The following MEX3B variants were observed in gnomAD, a reference collection of about 807,000 sequenced individuals.
MEX3B encodes mex-3 RNA binding family member B, also known as RNA-binding protein MEX3B.
A neutral mutation model predicts 12.2 loss-of-function variants in MEX3B; 10 were observed. That is an observed-to-expected ratio of 0.82 (90% CI 0.51 to 1.40). The LOEUF (loss-of-function observed/expected upper bound fraction) is 1.40. MEX3B is among the 40% of genes most tolerant of loss of function. The probability of loss-of-function intolerance (pLI) is 0.00; values close to 1 mark genes in which losing one functional copy is unlikely to be tolerated. For missense variants in MEX3B, 839 were observed against 801.4 expected, an observed-to-expected ratio of 1.05 and a Z score of -0.57; for synonymous variants, 498 against 356.3, an observed-to-expected ratio of 1.40 and a Z score of -4.48.
intron 1 of MEX3B, chr15:82,045,200 G>A (rs1359447126): frequency 1.6e-6 from 1 of 628,976 alleles, no homozygotes; most frequent in South Asian, 1.8e-5. Flanking sequence ...TGGGCTGGTT[G>A]GGGGGCGTTA....
rs1046495567 is a variant in MEX3B at position 82,042,990 on chromosome 15, G to A, written c.*170C>T. ...CTTAAAAATTAAATTTTAAAAATGAGCGGATACTACAGCTTTCCAAGCTCC... is the reference window on the plus strand; with the variant it reads ...CTTAAAAATTAAATTTTAAAAATGAACGGATACTACAGCTTTCCAAGCTCC... On this transcript the variant is annotated 3_prime_UTR_variant, in exon 2 of 2. Coordinates refer to ENST00000329713, the MANE Select transcript of MEX3B (RefSeq NM_032246.6). The A allele has an allele frequency of 1.1e-5, 5 of 475,396 alleles. No individual in the cohort carries two copies. The highest frequency in any genetic ancestry group is 1.7e-5 in the Non-Finnish European group (5 of 289,978). 29.4% of individuals were successfully genotyped at this position (475,396 alleles called of 1,614,324 possible).
chr15:82,045,863 G>A lies in MEX3B; in HGVS notation c.-158C>T, dbSNP rs996726710. On this transcript the variant is annotated 5_prime_UTR_variant, in exon 1 of 2. Transcript: ENST00000329713. ...TCCTCGGTGCTGGGAGGAGTGGGTC[G>A]CTCCGTGCGGTCCGCACCGGGCAGT... 1.6e-4 allele frequency: 127 copies of A among 790,634 alleles called. No homozygotes were observed. The Middle Eastern group carries it at 2.0e-3, about 13-fold the overall frequency. 49.0% of individuals were successfully genotyped at this position (790,634 alleles called of 1,614,324 possible).
Position 82,043,637 on chromosome 15 carries a change from G to T in MEX3B, c.1233C>A (p.Phe411Leu). Reference sequence around the variant, plus strand: ...AGGGCGCACTGGCGCCACCCCCGGGGAAGACCACGGAGGAGGAAGAAGCAG... The same window carrying T: ...AGGGCGCACTGGCGCCACCCCCGGGTAAGACCACGGAGGAGGAAGAAGCAG... ...SSSASSSSVV[F>L]PGGGASAPSN... is the part of the protein sequence containing the mutation. Residue 411 changes from phenylalanine (F) to leucine (L), a missense_variant, in exon 2 of 2, where the codon TTC becomes TTA. Physicochemically the swap from Phe to Leu is conservative, Grantham distance 22 (BLOSUM62 0). Coordinates refer to ENST00000329713, the MANE Select transcript of MEX3B (RefSeq NM_032246.6). 3 of 1,608,142 alleles carry T rather than the reference G, an allele frequency of 1.9e-6. No individual in the cohort carries two copies. Among genetic ancestry groups the T allele is most frequent in the Non-Finnish European group, 2.5e-6 (3 of 1,177,406 alleles).
At position 82,042,414 on chromosome 15, in the gene MEX3B, C is replaced by T. The variant is rs2073225118; in HGVS notation, c.*746G>A. Reference sequence around the variant, plus strand: ...GCCATACTAAAATAAAAAGATTTAACCCAGCTACAAAAAAGTTCACTGAAC... The same window carrying T: ...GCCATACTAAAATAAAAAGATTTAATCCAGCTACAAAAAAGTTCACTGAAC... On this transcript the variant is annotated 3_prime_UTR_variant, in exon 2 of 2. Coordinates refer to ENST00000329713, the MANE Select transcript of MEX3B (RefSeq NM_032246.6). The T allele has an allele frequency of 6.6e-6, 1 of 152,492 alleles. No homozygotes were observed. The highest frequency in any genetic ancestry group is 2.4e-5 in the African/African-American group (1 of 41,422). 9.4% of individuals were successfully genotyped at this position (152,492 alleles called of 1,614,324 possible). A position where few individuals can be genotyped will look rare whatever the true frequency, so the allele number is the denominator to read the frequency against.
chr15:82,043,303 C>G lies in MEX3B; in HGVS notation c.1567G>C (p.Glu523Gln), dbSNP rs1159542765. The change falls in exon 2 of 2, where the codon GAG (glutamate) becomes CAG (glutamine). Residue 523 changes from glutamate (E) to glutamine (Q), a missense_variant. This residue lies in a region of MEX3B where 573 missense variants were observed against 488.9 expected (regional missense o/e 1.17). Transcript: ENST00000329713. ...KGSRDCSVCF[E>Q]SEVIAALVPC... Reference sequence around the variant, plus strand: ...ACCAGCGCGGCAATCACTTCGCTCTCGAAGCACACGGAGCAGTCGCGGCTG... The same window carrying G: ...ACCAGCGCGGCAATCACTTCGCTCTGGAAGCACACGGAGCAGTCGCGGCTG... 2 of 1,611,404 alleles carry G rather than the reference C, an allele frequency of 1.2e-6. No homozygotes were observed. Among genetic ancestry groups the G allele is most frequent in the Non-Finnish European group, 1.7e-6 (2 of 1,178,654 alleles).
At position 82,042,175 on chromosome 15, in the gene MEX3B, T is replaced by A. The variant is rs962839512; in HGVS notation, c.*985A>T. Reference sequence around the variant, plus strand: ...AGCATCAACAGTTCTTTTTGACATGTTTATACATTTCCGTTTTTGTAATAA... The same window carrying A: ...AGCATCAACAGTTCTTTTTGACATGATTATACATTTCCGTTTTTGTAATAA... On this transcript the variant is annotated 3_prime_UTR_variant, in exon 2 of 2. Transcript: ENST00000329713. 1.3e-5 allele frequency: 2 copies of A among 152,622 alleles called. No homozygotes were observed. Among genetic ancestry groups the A allele is most frequent in the African/African-American group, 2.4e-5 (1 of 41,462 alleles). The allele number at this position is 152,622 out of a possible 1,614,324, so 9.5% of individuals were successfully genotyped here.
intron 1 of MEX3B, 194 bp downstream of exon 1, chr15:82,045,256 G>A (rs752411296): frequency 1.4e-6 from 1 of 734,170 alleles, no homozygotes; most frequent in South Asian, 1.6e-5. Flanking sequence ...ATCCCGCCAG[G>A]GCAGCGGCGC....
intron 1 of MEX3B, chr15:82,045,013 AG>A: frequency 3.5e-6 from 2 of 573,992 alleles, no homozygotes; most frequent in Non-Finnish European, 3.1e-6. Flanking sequence ...GACTGGGGGT[AG>A]GGGGTGGGGT....
rs773930081 is a variant in MEX3B at position 82,043,862 on chromosome 15, GTTA to G, written c.1005_1007del (p.Asn336del). ...CCGCTGTGTAGGTGTACCCATTGCC[GTTA>G]TTGTTATTGTTTCCGTTGTGCGCAA... On this transcript the variant is annotated inframe_deletion, in exon 2 of 2. Transcript: ENST00000329713. The G allele has an allele frequency of 6.3e-7, 1 of 1,589,524 alleles. No individual in the cohort carries two copies. Among genetic ancestry groups the G allele is most frequent in the South Asian group, 1.1e-5 (1 of 87,310 alleles).
At chr15:82,045,328 C>A (rs898227690) in intron 1 of MEX3B, 122 bp downstream of exon 1, 1 of 1,244,724 alleles carries the variant, frequency 8.0e-7, no homozygotes, top group Non-Finnish European at 1.1e-6. Flanking sequence ...TCGCGCGGCT[C>A]TTCCTCTCTC....
chr15:82,045,213 G>A (rs1021932733), intron 1 of MEX3B: 19 of 646,724 alleles, frequency 2.9e-5, no homozygotes, highest in Non-Finnish European at 3.9e-5. Flanking sequence ...GGGCGTTAGG[G>A]GAGAAGGCAG....
At chr15:82,045,392 G>T in intron 1 of MEX3B, 58 bp downstream of exon 1, 1 of 1,550,160 alleles carries the variant, frequency 6.5e-7, no homozygotes. Context: ...TCCCCTCGAG[G>T]CAGTGGCCTG....
rs771636015 is a variant in MEX3B at position 82,044,085 on chromosome 15, C to T, written c.785G>A (p.Gly262Asp). The T allele has an allele frequency of 6.2e-7, 1 of 1,610,998 alleles. No individual in the cohort carries two copies. The highest frequency in any genetic ancestry group is 1.1e-5 in the South Asian group (1 of 90,970). The change falls in exon 2 of 2, where the codon GGC becomes GAC. Residue 262 changes from glycine to aspartate, a missense_variant. Around this residue, in one of 3 missense-constraint regions of MEX3B, gnomAD observed 573 missense variants for 488.9 expected, o/e 1.17. Coordinates refer to ENST00000329713, the MANE Select transcript of MEX3B (RefSeq NM_032246.6). The surrounding 1 kb of genome is among the most constrained non-coding windows in gnomAD (Gnocchi z 5.3). ...LHHGSGGSGP[G>D]SLWSKPTPSI... Reference sequence around the variant, plus strand: ...GGGGGTGGGCTTGCTCCAGAGGCTGCCTGGGCCGGACCCGCCGGACCCATG... The same window carrying T: ...GGGGGTGGGCTTGCTCCAGAGGCTGTCTGGGCCGGACCCGCCGGACCCATG...
At chr15:82,045,412 A>C (rs1198194438) in intron 1 of MEX3B, 38 bp downstream of exon 1, 4 of 1,573,492 alleles carry the variant, frequency 2.5e-6, no homozygotes, top group Non-Finnish European at 3.4e-6. Context: ...GAGACCCTAC[A>C]CCACCCCCAC....
chr15:82,045,117 C>T (rs1596007240), intron 1 of MEX3B: 3 of 602,108 alleles, frequency 5.0e-6, no homozygotes, highest in East Asian at 5.5e-5. Context: ...ACTCCTCCTC[C>T]TTCCTCCTCC....
rs2073255544 is a variant in MEX3B at position 82,045,856 on chromosome 15, G to A, written c.-151C>T. On this transcript the variant is annotated 5_prime_UTR_variant, in exon 1 of 2. Coordinates refer to ENST00000329713, the MANE Select transcript of MEX3B (RefSeq NM_032246.6). ...TGCTTCTTCCTCGGTGCTGGGAGGA[G>A]TGGGTCGCTCCGTGCGGTCCGCACC... 4.6e-6 allele frequency: 4 copies of A among 870,284 alleles called. No homozygotes were observed. In the East Asian group the frequency reaches 1.1e-4, roughly 23 times the overall value. 53.9% of individuals were successfully genotyped at this position (870,284 alleles called of 1,614,324 possible).
chr15:82,045,234 A>G, intron 1 of MEX3B: 2 of 672,222 alleles, frequency 3.0e-6, no homozygotes, highest in Non-Finnish European at 5.3e-6. Context: ...TGATTTTAGC[A>G]GAAGAAAGTG....
Position 82,045,505 on chromosome 15 carries a change from G to A in MEX3B, c.201C>T (p.Thr67=), listed in dbSNP as rs1250648488. 3.1e-6 allele frequency: 5 copies of A among 1,612,320 alleles called. No individual in the cohort carries two copies. The Admixed American group carries it at 5.0e-5, about 16-fold the overall frequency. The part of the protein sequence containing the change: ...SEPRKKSVNM[T]ECVPVPSSEH... ...CAGAACTGGGTACTGGCACGCACTC[G>A]GTCATGTTCACGCTCTTCTTGCGCG... is the stretch of plus-strand genomic sequence containing the variant. Residue 67 remains threonine, a synonymous_variant, in exon 1 of 2, where the codon ACC becomes ACT. Transcript: ENST00000329713.
rs1009995784 is a variant in MEX3B at position 82,046,011 on chromosome 15, C to A, written c.-306G>T. 1.2e-4 allele frequency: 39 copies of A among 338,028 alleles called. No homozygotes were observed. The highest frequency in any genetic ancestry group is 9.7e-5 in the Admixed American group (2 of 20,564). The allele number at this position is 338,028 out of a possible 1,614,324, so 20.9% of individuals were successfully genotyped here. A position where few individuals can be genotyped will look rare whatever the true frequency, so the allele number is the denominator to read the frequency against. ...CCGGCTGGCTGGCCGCAATGCCGAG[C>A]GAAAAGCGAGCAGGCGAGCGACAGA... is the stretch of plus-strand genomic sequence containing the variant. On this transcript the variant is annotated 5_prime_UTR_variant, in exon 1 of 2. Coordinates refer to ENST00000329713, the MANE Select transcript of MEX3B (RefSeq NM_032246.6).
Sources: allele counts gnomAD v4.1 joint callset, GRCh38; gene constraint gnomAD v4.1.1; regional missense constraint gnomAD v4.1.1; non-coding constraint Gnocchi (gnomAD v3.1); transcripts MANE v1.5; gene names NCBI Gene and HGNC (gene_info 2026-07-23, HGNC 2026-07-21).